Variants in CYB561A3 observed in about 807,000 individuals in gnomAD.
CYB561A3 encodes cytochrome b561 family member A3.
In CYB561A3, 16 loss-of-function variants were observed where a neutral mutation model predicts 25.3. The observed-to-expected ratio is 0.63, with a 90% CI of 0.43 to 0.96. CYB561A3 has a LOEUF of 0.96. CYB561A3 is among the 40% of genes least tolerant of loss of function. The pLI, the probability that CYB561A3 is intolerant of heterozygous loss-of-function variation, is 0.00. For missense variants in CYB561A3, 219 were observed against 307.5 expected, an observed-to-expected ratio of 0.71 and a Z score of 2.15; for synonymous variants, 131 against 129.9, an observed-to-expected ratio of 1.01 and a Z score of -0.06.
chr11:61,351,752 C>G (rs1857421322), intron 5 of CYB561A3: 1 of 152,114 alleles, frequency 6.6e-6, no homozygotes, highest in Admixed American at 6.5e-5. Flanking sequence ...CCTGTCTCTA[C>G]AAAAATAAAA....
intron 4 of CYB561A3, chr11:61,353,345 A>G: frequency 1.5e-6 from 1 of 675,990 alleles, no homozygotes; most frequent in East Asian, 2.8e-5. Flanking sequence ...ATGCTTAGCT[A>G]CCATCCCACT....
rs1239390667 is a variant in CYB561A3 at position 61,349,387 on chromosome 11, A to C, written c.*1012T>G. On this transcript the variant is annotated 3_prime_UTR_variant, in exon 7 of 7. Transcript: ENST00000294072. Reference sequence around the variant, plus strand: ...TGGCATCAGCTGCATGGTGAGCTGCAGAGTGGTCAGAGGGGCTGGGGCCCT... The same window carrying C: ...TGGCATCAGCTGCATGGTGAGCTGCCGAGTGGTCAGAGGGGCTGGGGCCCT... The C allele has an allele frequency of 1.7e-6, 1 of 602,598 alleles. No homozygotes were observed. Among genetic ancestry groups the C allele is most frequent in the Non-Finnish European group, 3.0e-6 (1 of 331,660 alleles). The allele number at this position is 602,598 out of a possible 1,614,324, so 37.3% of individuals were successfully genotyped here.
chr11:61,350,244 G>A lies in CYB561A3; in HGVS notation c.*155C>T, dbSNP rs746571098. On this transcript the variant is annotated 3_prime_UTR_variant, in exon 7 of 7. Coordinates refer to ENST00000294072, the MANE Select transcript of CYB561A3 (RefSeq NM_153611.6). ...GAAAGCAGACAGGCAGCAAGCGGCC[G>A]GAGAGGGCAGGCCAGCACCCAGGCA... The A allele has an allele frequency of 6.9e-5, 67 of 966,138 alleles. No homozygotes were observed. Among genetic ancestry groups the A allele is most frequent in the Middle Eastern group, 6.5e-4 (2 of 3,054 alleles). The allele number at this position is 966,138 out of a possible 1,614,324, so 59.8% of individuals were successfully genotyped here.
chr11:61,355,029 C>T (rs1366027037), intron 3 of CYB561A3, among the ~76,000 whole-genome samples: 1 of 152,008 alleles, frequency 6.6e-6, no homozygotes, highest in African/African-American at 2.4e-5. Context: ...CCACCATACC[C>T]GGCTAATTTT....
chr11:61,361,452 C>A (rs982627267), intron 1 of CYB561A3, among the ~76,000 whole-genome samples: 1 of 152,178 alleles, frequency 6.6e-6, no homozygotes, highest in South Asian at 2.1e-4. Flanking sequence ...CCGTTCCAGG[C>A]ACCCGAGGGG....
rs1319448462 is a variant in CYB561A3, at chr11:61,349,396, A to G, written c.*1003T>C. On this transcript the variant is annotated 3_prime_UTR_variant, in exon 7 of 7. Transcript: ENST00000294072. ...CTGCATGGTGAGCTGCAGAGTGGTC[A>G]GAGGGGCTGGGGCCCTGCCAAGAGA... 1 of 614,892 alleles carries G rather than the reference A, an allele frequency of 1.6e-6. No individual in the cohort carries two copies. Among genetic ancestry groups the G allele is most frequent in the Non-Finnish European group, 3.0e-6 (1 of 337,338 alleles). The allele number at this position is 614,892 out of a possible 1,614,324, so 38.1% of individuals were successfully genotyped here.
chr11:61,357,137 G>A, intron 2 of CYB561A3: 1 of 1,523,950 alleles, frequency 6.6e-7, no homozygotes, highest in Non-Finnish European at 8.9e-7. Flanking sequence ...CAAACACCCA[G>A]GCCTTGGGTT....
At chr11:61,361,896 C>A (rs1590619211), upstream of CYB561A3, 1 of 152,354 alleles carries the variant, frequency 6.6e-6, no homozygotes, top group Non-Finnish European at 1.5e-5. Flanking sequence ...GCGGCGGGTG[C>A]CGCCTCGCCT....
intron 3 of CYB561A3, 120 bp from the exon 4 acceptor site, chr11:61,354,112 A>C (rs768704808): frequency 3.1e-4 from 302 of 971,916 alleles, no homozygotes; most frequent in Non-Finnish European, 4.1e-4. Context: ...ATGCTAGGGC[A>C]CTGGTATCAA....
intron 4 of CYB561A3, 102 bp downstream of exon 4, chr11:61,353,682 T>G: frequency 7.9e-7 from 1 of 1,264,610 alleles, no homozygotes; most frequent in Admixed American, 1.9e-5. Flanking sequence ...CAAGTCCCTC[T>G]CCAAGCAGTG....
intron 4 of CYB561A3, 51 bp downstream of exon 4, chr11:61,353,733 C>T (rs185871031): frequency 6.3e-7 from 1 of 1,596,120 alleles, no homozygotes; most frequent in African/African-American, 1.3e-5. Context: ...GAACCCCCAA[C>T]CAGAGCTCAT....
At chr11:61,351,905 T>C (rs1857427769) in intron 5 of CYB561A3, 1 of 152,108 alleles carries the variant, frequency 6.6e-6, no homozygotes, top group Admixed American at 6.5e-5. Context: ...CAGAGTGAGA[T>C]GCTATCTCTT....
intron 3 of CYB561A3, chr11:61,354,752 GTTTC>G (rs1857576251): frequency 6.6e-6 from 1 of 152,032 alleles, no homozygotes; most frequent in Non-Finnish European, 1.5e-5. Flanking sequence ...GACAGTCATT[GTTTC>G]ATCAAACTGA....
At chr11:61,356,094 GAAAA>G (rs774349495) in intron 3 of CYB561A3, 2 of 50,170 alleles carry the variant, frequency 4.0e-5, no homozygotes, top group Non-Finnish European at 9.3e-5. Flanking sequence ...TCCGTCTAGA[GAAAA>G]AAAAAAAAAA....
chr11:61,356,479 C>CT, intron 3 of CYB561A3, 51 bp downstream of exon 3: 1 of 1,579,340 alleles, frequency 6.3e-7, no homozygotes, highest in East Asian at 2.3e-5. Flanking sequence ...GAAAGTGCAG[C>CT]TTTGTCCAGC....
chr11:61,356,597 G>T lies in CYB561A3; in HGVS notation c.117C>A (p.Gly39=). The T allele has an allele frequency of 6.2e-7, 1 of 1,614,204 alleles. No individual in the cohort carries two copies. The highest frequency in any genetic ancestry group is 8.5e-7 in the Non-Finnish European group (1 of 1,180,046). Residue 39 remains glycine (G), a synonymous_variant, in exon 3 of 7, where the codon GGC becomes GGA. Transcript: ENST00000294072. ...GGTGCCAGTTGAACATGTAGATGCTGCCATTCCAGGCAAAGCCACCACGCC... is the reference window on the plus strand; with the variant it reads ...GGTGCCAGTTGAACATGTAGATGCTTCCATTCCAGGCAAAGCCACCACGCC... The part of the protein sequence containing the change: ...QYWRGGFAWN[G]SIYMFNWHPV...
rs772259480 is a variant in CYB561A3, at chr11:61,353,851, C to A, written c.326G>T (p.Arg109Met). Residue 109 changes from arginine (R) to methionine (M), a missense_variant, in exon 4 of 7, where the codon AGG (arginine) becomes ATG (methionine). Coordinates refer to ENST00000294072, the MANE Select transcript of CYB561A3 (RefSeq NM_153611.6). ...GTGAAGGGAGTAGAGGTTGGCAGTCCTTCCATGGTTGTGAAACGTAAAGAC... is the reference window on the plus strand; with the variant it reads ...GTGAAGGGAGTAGAGGTTGGCAGTCATTCCATGGTTGTGAAACGTAAAGAC... ...VAVFTFHNHG[R>M]TANLYSLHSW... 24 of 1,614,186 alleles carry A rather than the reference C, an allele frequency of 1.5e-5. No individual in the cohort carries two copies. In the South Asian group the frequency reaches 2.3e-4, roughly 16 times the overall value.
intron 5 of CYB561A3, 49 bp from the exon 6 acceptor site, chr11:61,351,196 T>G: frequency 6.4e-7 from 1 of 1,551,610 alleles, no homozygotes; most frequent in South Asian, 1.2e-5. Context: ...TTCCACCTAT[T>G]TTTGTCTAGT....
intron 1 of CYB561A3, chr11:61,358,744 CA>C (rs1211948280): frequency 1.3e-5 from 2 of 151,988 alleles, no homozygotes; most frequent in East Asian, 3.9e-4. Context: ...TATATATATA[CA>C]TAGAATTCTT....
Sources: gnomAD v4.1 joint callset for allele counts (sites outside exome capture counted in the v4.1 genomes callset) on GRCh38, gnomAD v4.1.1 for gene constraint, MANE v1.5 for transcripts, NCBI Gene and HGNC (gene_info 2026-07-23, HGNC 2026-07-21) for gene names.